PIAS1: variants seen among roughly 807,000 people sequenced by gnomAD.
The protein encoded by PIAS1 is protein inhibitor of activated STAT 1.
Under a neutral mutation model 71.3 loss-of-function variants are expected in PIAS1, and 6 were observed. The ratio of observed to expected loss-of-function variants is 0.08; its 90% confidence interval spans 0.05 to 0.17. The LOEUF (loss-of-function observed/expected upper bound fraction) is 0.17. Among genes scored for constraint, PIAS1 ranks in the 10% least tolerant of loss-of-function variants. The pLI is 1.00. For synonymous variants in PIAS1, 303 were observed against 292.9 expected (o/e 1.03, Z -0.35); for missense variants, 555 against 793.6 (o/e 0.70, Z 3.61).
chr15:68,145,974 T>C (rs1360335842), intron 5 of PIAS1, 68 bp downstream of exon 5: 1 of 913,498 alleles, frequency 1.1e-6, no homozygotes, highest in African/African-American at 1.7e-5. Context: ...ATCACAACTG[T>C]TGTTAAATCA....
At chr15:68,105,480 A>G (rs899420319) in intron 2 of PIAS1, among the ~76,000 whole-genome samples, 1 of 151,968 alleles carries the variant, frequency 6.6e-6, no homozygotes, top group African/African-American at 2.4e-5. Flanking sequence ...TTGCTACATC[A>G]GAATTGGAGA....
At chr15:68,129,794 TACACAC>T (rs67860159) in intron 2 of PIAS1, among the ~76,000 whole-genome samples, 63,251 of 144,902 alleles carry the variant, frequency 0.44, 14,976 homozygotes, top group South Asian at 0.66. Flanking sequence ...TAATTGTATT[TACACAC>T]ACACACACAC....
intron 2 of PIAS1, among the ~76,000 whole-genome samples, chr15:68,133,303 C>T (rs2141034531): frequency 6.6e-6 from 1 of 151,834 alleles, no homozygotes; most frequent in South Asian, 2.1e-4. Context: ...TGCAATAGTC[C>T]AAGACAGGAA....
chr15:68,106,448 A>G (rs1461989194), intron 2 of PIAS1, among the ~76,000 whole-genome samples: 1 of 152,148 alleles, frequency 6.6e-6, no homozygotes, highest in Non-Finnish European at 1.5e-5. Context: ...ATTTTTCTGA[A>G]TGGAGAGTTT....
chr15:68,067,736 G>A (rs914671237), intron 1 of PIAS1, among the ~76,000 whole-genome samples: 5 of 152,118 alleles, frequency 3.3e-5, no homozygotes, highest in South Asian at 4.1e-4. Context: ...TATATACAGC[G>A]TAGTATGTAT....
intron 11 of PIAS1, among the ~76,000 whole-genome samples, chr15:68,177,608 A>G (rs931797795): frequency 2.0e-5 from 3 of 152,224 alleles, no homozygotes; most frequent in African/African-American, 4.8e-5. Context: ...ATTGTTATCT[A>G]CTTTGTATAA....
chr15:68,082,137 G>A (rs1210230432), intron 1 of PIAS1, among the ~76,000 whole-genome samples: 1 of 152,112 alleles, frequency 6.6e-6, no homozygotes, highest in East Asian at 1.9e-4. Context: ...AAACTCAGTC[G>A]TAAGGGTAAA....
chr15:68,060,004 T>G (rs1196519948), intron 1 of PIAS1, among the ~76,000 whole-genome samples: 1 of 152,198 alleles, frequency 6.6e-6, no homozygotes, highest in African/African-American at 2.4e-5. Context: ...TTGTTTATGT[T>G]TCTGTAATAT....
intron 2 of PIAS1, among the ~76,000 whole-genome samples, chr15:68,112,491 T>A (rs2092530718): frequency 6.6e-6 from 1 of 152,060 alleles, no homozygotes; most frequent in Non-Finnish European, 1.5e-5. Context: ...GTTATCTAGG[T>A]CATCAGTGAC....
chr15:68,082,186 C>A (rs1282116210), intron 1 of PIAS1, among the ~76,000 whole-genome samples: 1 of 152,108 alleles, frequency 6.6e-6, no homozygotes, highest in East Asian at 1.9e-4. Context: ...ATAAAAACAT[C>A]GTACCTCACA....
Position 68,189,652 on chromosome 15 carries a change from A to C in PIAS1, c.*1817A>C, listed in dbSNP as rs1258399105. The C allele has an allele frequency of 1.3e-5, 2 of 152,132 alleles. No homozygotes were observed. The highest frequency in any genetic ancestry group is 2.4e-5 in the African/African-American group (1 of 41,438). The allele number at this position is 152,132 out of a possible 1,614,324, so 9.4% of individuals were successfully genotyped here. ...TTGATATGTATATGTGTGTGTGTATATATGTATTTATAAACAAGTGTGTTT... is the reference window on the plus strand; with the variant it reads ...TTGATATGTATATGTGTGTGTGTATCTATGTATTTATAAACAAGTGTGTTT... On this transcript the variant is annotated 3_prime_UTR_variant, in exon 14 of 14. Coordinates refer to ENST00000249636, the MANE Select transcript of PIAS1 (RefSeq NM_016166.3).
intron 1 of PIAS1, among the ~76,000 whole-genome samples, chr15:68,060,080 G>A (rs2091941115): frequency 6.6e-6 from 1 of 152,090 alleles, no homozygotes; most frequent in African/African-American, 2.4e-5. Flanking sequence ...CATTACTTCA[G>A]CATCAGAATG....
intron 2 of PIAS1, among the ~76,000 whole-genome samples, chr15:68,094,785 A>G (rs2092360355): frequency 1.3e-5 from 2 of 152,178 alleles, no homozygotes; most frequent in South Asian, 2.1e-4. Flanking sequence ...CAAGAGCACT[A>G]ATTTTTCTGT....
chr15:68,130,691 A>G (rs1211101386), intron 2 of PIAS1, among the ~76,000 whole-genome samples: 2 of 151,092 alleles, frequency 1.3e-5, no homozygotes, highest in Non-Finnish European at 3.0e-5. Flanking sequence ...AAAAGCTATC[A>G]TTCAGTTTCA....
intron 1 of PIAS1, among the ~76,000 whole-genome samples, chr15:68,070,304 A>T (rs1290432916): frequency 6.6e-6 from 1 of 152,236 alleles, no homozygotes; most frequent in South Asian, 2.1e-4. Flanking sequence ...GACAACATCA[A>T]TGAATTAGAG....
At chr15:68,154,484 G>C (rs2092873703) in intron 7 of PIAS1, among the ~76,000 whole-genome samples, 1 of 152,122 alleles carries the variant, frequency 6.6e-6, no homozygotes. Context: ...AAGGACTTTT[G>C]ATGTGAACTG....
intron 2 of PIAS1, among the ~76,000 whole-genome samples, chr15:68,131,166 C>T (rs1461834903): frequency 1.3e-5 from 2 of 151,964 alleles, no homozygotes; most frequent in African/African-American, 2.4e-5. Context: ...AAATTAAATG[C>T]CCATTAATAA....
chr15:68,192,302 G>A lies in PIAS1; in HGVS notation c.*4467G>A, dbSNP rs568090643. 5 of 152,212 alleles carry A rather than the reference G, an allele frequency of 3.3e-5. No individual in the cohort carries two copies. The highest frequency in any genetic ancestry group is 1.2e-4 in the African/African-American group (5 of 41,538). 9.4% of individuals were successfully genotyped at this position (152,212 alleles called of 1,614,324 possible). A position where few individuals can be genotyped will look rare whatever the true frequency, so the allele number is the denominator to read the frequency against. On this transcript the variant is annotated 3_prime_UTR_variant, in exon 14 of 14. Coordinates refer to ENST00000249636, the MANE Select transcript of PIAS1 (RefSeq NM_016166.3). ...GGCCCTCTGGTGGATTTACCATGAA[G>A]GTAATGAAGTTTAAGCACCAGGACC...
chr15:68,072,399 C>CAAAAAAAAAAAAAA (rs1166484451), intron 1 of PIAS1, among the ~76,000 whole-genome samples: 3 of 25,026 alleles, frequency 1.2e-4, no homozygotes, highest in African/African-American at 4.0e-4. Flanking sequence ...GACTCCATCT[C>CAAAAAAAAAAAAAA]AAAAAAAAAA....
Sources: allele counts gnomAD v4.1 joint callset (sites outside exome capture counted in the v4.1 genomes callset), GRCh38; gene constraint gnomAD v4.1.1; transcripts MANE v1.5; gene names NCBI Gene and HGNC (gene_info 2026-07-23, HGNC 2026-07-21).